The following ABI2 variants were observed in gnomAD, a reference collection of about 807,000 sequenced individuals.
The protein encoded by ABI2 is abl interactor 2.
ABI2 carries 25 observed loss-of-function variants against 59.2 expected under a neutral mutation model. The ratio of observed to expected loss-of-function variants is 0.42; its 90% CI spans 0.31 to 0.59. ABI2 has a LOEUF of 0.59. ABI2 is among the 20% of genes least tolerant of loss of function. The pLI is 0.14. For missense variants in ABI2, 545 were observed against 681.8 expected (o/e 0.80, Z 2.23); for synonymous variants, 213 against 235.5 (o/e 0.90, Z 0.87).
intron 2 of ABI2, among the ~76,000 whole-genome samples, chr2:203,368,968 G>A (rs181396272): frequency 2.1e-5 from 3 of 145,928 alleles, no homozygotes; most frequent in East Asian, 2.0e-4. Context: ...CTACAGGCAC[G>A]TGCCATGCTT....
intron 2 of ABI2, among the ~76,000 whole-genome samples, chr2:203,373,341 T>C (rs1012403084): frequency 1.3e-5 from 2 of 152,040 alleles, no homozygotes; most frequent in Admixed American, 6.5e-5. Context: ...CGCGCGCCTG[T>C]AATCGCAGGC....
At chr2:203,333,773 C>T (rs1183749370) in intron 1 of ABI2, among the ~76,000 whole-genome samples, 3 of 152,136 alleles carry the variant, frequency 2.0e-5, no homozygotes, top group Non-Finnish European at 2.9e-5. Flanking sequence ...ACTTCCTACA[C>T]CTTCTTGTCC....
chr2:203,376,779 A>T (rs1266605753), intron 2 of ABI2, among the ~76,000 whole-genome samples: 1 of 140,312 alleles, frequency 7.1e-6, no homozygotes, highest in Non-Finnish European at 1.5e-5. Flanking sequence ...GGTTTGGGCT[A>T]AGTGTGTGTT....
chr2:203,404,705 C>CCT (rs1035426726), intron 9 of ABI2, among the ~76,000 whole-genome samples: 9 of 152,106 alleles, frequency 5.9e-5, no homozygotes, highest in African/African-American at 2.2e-4. Context: ...ATTACAGGCA[C>CCT]CTGCCACTAC....
At chr2:203,396,689 A>T in intron 7 of ABI2, 96 bp from the exon 8 acceptor site, 1 of 1,267,968 alleles carries the variant, frequency 7.9e-7, no homozygotes. Context: ...AGTGTTAAGC[A>T]CTGAATATCT....
chr2:203,377,834 A>G (rs1191582633), intron 2 of ABI2, among the ~76,000 whole-genome samples: 1 of 152,222 alleles, frequency 6.6e-6, no homozygotes, highest in Non-Finnish European at 1.5e-5. Context: ...TCAGCCTGAG[A>G]GGTCGAGGAT....
chr2:203,400,079 CTTTTTTTTTTT>C (rs10581610), intron 8 of ABI2, among the ~76,000 whole-genome samples: 63 of 59,550 alleles, frequency 1.1e-3, no homozygotes, highest in African/African-American at 4.4e-3. Flanking sequence ...TGAATAGTGT[CTTTTTTTTTTT>C]TTTTTTTTTT....
intron 11 of ABI2, among the ~76,000 whole-genome samples, chr2:203,421,840 T>G (rs1488043205): frequency 6.6e-6 from 1 of 152,042 alleles, no homozygotes. Flanking sequence ...GGTGCACGCC[T>G]GTAGTCCCAG....
At chr2:203,399,727 T>G (rs896770803) in intron 8 of ABI2, among the ~76,000 whole-genome samples, 6 of 152,008 alleles carry the variant, frequency 3.9e-5, no homozygotes, top group Non-Finnish European at 7.4e-5. Flanking sequence ...GTTGGCCAGG[T>G]TGGTCTTGAA....
chr2:203,348,195 C>G (rs1423785389), intron 1 of ABI2, among the ~76,000 whole-genome samples: 3 of 152,114 alleles, frequency 2.0e-5, no homozygotes, highest in Non-Finnish European at 4.4e-5. Context: ...GAGCAGAGAT[C>G]GCGCCACTGC....
At chr2:203,369,792 A>G (rs2094932898) in intron 2 of ABI2, among the ~76,000 whole-genome samples, 1 of 152,218 alleles carries the variant, frequency 6.6e-6, no homozygotes, top group Non-Finnish European at 1.5e-5. Flanking sequence ...TATACAGAAT[A>G]TAAATTATTA....
intron 7 of ABI2, among the ~76,000 whole-genome samples, chr2:203,396,543 A>T (rs2096994778): frequency 6.6e-6 from 1 of 152,216 alleles, no homozygotes; most frequent in African/African-American, 2.4e-5. Flanking sequence ...TAGTGCTTTC[A>T]ATTGAAAAGG....
intron 11 of ABI2, among the ~76,000 whole-genome samples, chr2:203,426,672 CAG>C (rs1225793153): frequency 6.6e-6 from 1 of 151,726 alleles, no homozygotes; most frequent in African/African-American, 2.4e-5. Flanking sequence ...GCATAGGCTC[CAG>C]AGAGAGTGAG....
At chr2:203,385,660 C>T (rs1022791702) in intron 4 of ABI2, among the ~76,000 whole-genome samples, 2 of 152,146 alleles carry the variant, frequency 1.3e-5, no homozygotes, top group South Asian at 4.1e-4. Flanking sequence ...GTTGAAGGTA[C>T]ACTCTTAAAA....
chr2:203,379,665 C>T (rs1471665270), intron 2 of ABI2, among the ~76,000 whole-genome samples: 4 of 152,168 alleles, frequency 2.6e-5, no homozygotes, highest in Non-Finnish European at 2.9e-5. Flanking sequence ...TTCTTAATCA[C>T]TATATTAGTC....
chr2:203,402,613 C>G lies in ABI2; in HGVS notation c.1071C>G (p.Ala357=). 1 of 1,598,858 alleles carries G rather than the reference C, an allele frequency of 6.3e-7. No homozygotes were observed. Among genetic ancestry groups the G allele is most frequent in the South Asian group, 1.1e-5 (1 of 87,586 alleles). The part of the protein sequence containing the change: ...PVQFYSMNRP[A]SRHTPPTIGG... ...AGTTCTACAGCATGAATAGGCCTGC[C>G]TCTCGCCATACTCCCCCAACAATAG... is the stretch of plus-strand genomic sequence containing the variant. The change falls in exon 9 of 12, where the codon GCC becomes GCG. Residue 357 remains alanine (A), a synonymous_variant. Transcript: ENST00000261018.
At chr2:203,376,656 A>T (rs957325514) in intron 2 of ABI2, among the ~76,000 whole-genome samples, 2 of 148,530 alleles carry the variant, frequency 1.3e-5, no homozygotes, top group Non-Finnish European at 3.0e-5. Flanking sequence ...CTTAGTGCCA[A>T]TTTTTTTGCT....
At chr2:203,345,490 A>T (rs769341470) in intron 1 of ABI2, among the ~76,000 whole-genome samples, 35 of 152,162 alleles carry the variant, frequency 2.3e-4, no homozygotes, top group Admixed American at 1.3e-3. Context: ...AGCTCACTGC[A>T]ATCTCCACCT....
chr2:203,392,785 T>C (rs1372990715), intron 5 of ABI2, among the ~76,000 whole-genome samples: 1 of 152,218 alleles, frequency 6.6e-6, no homozygotes, highest in Non-Finnish European at 1.5e-5. Context: ...AATGAAACTT[T>C]GTGTTGTTTT....
Sources: gnomAD v4.1 joint callset for allele counts (sites outside exome capture counted in the v4.1 genomes callset) on GRCh38, gnomAD v4.1.1 for gene constraint, MANE v1.5 for transcripts, NCBI Gene and HGNC (gene_info 2026-07-23, HGNC 2026-07-21) for gene names.